Variants in GRAMD2B observed in about 807,000 individuals in gnomAD.
The protein encoded by GRAMD2B is GRAM domain containing 2B.
A neutral mutation model predicts 59.2 loss-of-function variants in GRAMD2B; 41 were observed. The observed-to-expected ratio is 0.69, with a 90% CI of 0.54 to 0.90. The LOEUF (loss-of-function observed/expected upper bound fraction) is 0.90, where lower values mean the gene tolerates loss of function less well. Among genes scored for constraint, GRAMD2B ranks in the 40% least tolerant of loss-of-function variants. GRAMD2B has a pLI of 0.00. For synonymous variants in GRAMD2B, 161 were observed against 182.7 expected, an observed-to-expected ratio of 0.88 and a Z score of 0.96; for missense variants, 424 against 500.5, an observed-to-expected ratio of 0.85 and a Z score of 1.46.
chr5:126,442,695 A>C (rs1355981984), intron 1 of GRAMD2B, among the ~76,000 whole-genome samples: 2 of 152,142 alleles, frequency 1.3e-5, no homozygotes, highest in Non-Finnish European at 2.9e-5. Context: ...TTTCCTTGAA[A>C]TCTGGTCTAG....
intron 1 of GRAMD2B, among the ~76,000 whole-genome samples, chr5:126,362,516 A>T (rs1208418966): frequency 1.3e-5 from 2 of 152,216 alleles, no homozygotes; most frequent in Non-Finnish European, 2.9e-5. Flanking sequence ...CAGGATTATC[A>T]GGAAGAATTA....
At chr5:126,386,972 A>G (rs968555143) in intron 1 of GRAMD2B, among the ~76,000 whole-genome samples, 2 of 152,196 alleles carry the variant, frequency 1.3e-5, no homozygotes, top group African/African-American at 4.8e-5. Flanking sequence ...TATTATCACC[A>G]TATATTCTTT....
chr5:126,374,260 T>A (rs767145336), intron 1 of GRAMD2B, among the ~76,000 whole-genome samples: 1 of 152,224 alleles, frequency 6.6e-6, no homozygotes, highest in Non-Finnish European at 1.5e-5. Flanking sequence ...CCTTTTTCAA[T>A]CTGCAAGGTG....
chr5:126,441,696 T>G (rs1273249791), intron 1 of GRAMD2B, among the ~76,000 whole-genome samples: 1 of 151,542 alleles, frequency 6.6e-6, no homozygotes, highest in Non-Finnish European at 1.5e-5. Flanking sequence ...CTGGTATAAG[T>G]TTTTTTTTGC....
At chr5:126,412,611 A>G (rs1289567180) in intron 1 of GRAMD2B, among the ~76,000 whole-genome samples, 1 of 152,100 alleles carries the variant, frequency 6.6e-6, no homozygotes, top group Non-Finnish European at 1.5e-5. Context: ...TATCAGGGTG[A>G]TGCTGGCTTT....
intron 6 of GRAMD2B, among the ~76,000 whole-genome samples, chr5:126,479,368 A>T (rs1323038186): frequency 6.6e-6 from 1 of 152,118 alleles, no homozygotes; most frequent in Non-Finnish European, 1.5e-5. Context: ...CATACTAGAA[A>T]ACTTGTAGAG....
At chr5:126,386,874 G>T (rs1756188566) in intron 1 of GRAMD2B, among the ~76,000 whole-genome samples, 1 of 152,148 alleles carries the variant, frequency 6.6e-6, no homozygotes, top group Non-Finnish European at 1.5e-5. Flanking sequence ...TACAACATAG[G>T]TGAATTGTCA....
Position 126,424,649 on chromosome 5 carries a change from G to A in GRAMD2B, c.83+960G>A, listed in dbSNP as rs980774038. On this transcript the variant is annotated intron_variant, in intron 1 of 13. Coordinates refer to ENST00000285689, the MANE Select transcript of GRAMD2B (RefSeq NM_023927.4). ...ACATTTCTTCTAAGAGGATTAGAAT[G>A]ACTTGCTCCTCACAATTTCCCTGCG... Among the ~76,000 whole-genome samples, 6 of 152,206 alleles carry A rather than the reference G, an allele frequency of 3.9e-5. No individual in the cohort carries two copies. The South Asian group carries it at 6.2e-4, about 16-fold the overall frequency.
chr5:126,484,956 C>T (rs766311492), intron 10 of GRAMD2B, among the ~76,000 whole-genome samples: 17 of 152,168 alleles, frequency 1.1e-4, no homozygotes, highest in Non-Finnish European at 2.5e-4. Flanking sequence ...TAGGTCTTTG[C>T]ATATTAATTC....
At chr5:126,379,889 T>C (rs1202472768) in intron 1 of GRAMD2B, among the ~76,000 whole-genome samples, 1 of 152,248 alleles carries the variant, frequency 6.6e-6, no homozygotes, top group African/African-American at 2.4e-5. Flanking sequence ...TTTCTTTTGC[T>C]TTTCAGAAGC....
chr5:126,475,563 G>C (rs953365010), intron 5 of GRAMD2B, among the ~76,000 whole-genome samples: 3 of 152,166 alleles, frequency 2.0e-5, no homozygotes, highest in African/African-American at 7.2e-5. Flanking sequence ...AAAATGTCTT[G>C]ATTGGTTTAG....
intron 1 of GRAMD2B, among the ~76,000 whole-genome samples, chr5:126,426,777 C>T (rs1760689489): frequency 6.6e-6 from 1 of 152,240 alleles, no homozygotes; most frequent in African/African-American, 2.4e-5. Context: ...TTTTCTTAAT[C>T]ACATTTCCTA....
intron 13 of GRAMD2B, among the ~76,000 whole-genome samples, chr5:126,489,928 A>C (rs1773612243): frequency 1.3e-5 from 2 of 152,238 alleles, no homozygotes; most frequent in Non-Finnish European, 2.9e-5. Context: ...GTAAAATTTC[A>C]TATTAAATAC....
intron 1 of GRAMD2B, among the ~76,000 whole-genome samples, chr5:126,439,008 T>G (rs923076765): frequency 1.3e-5 from 2 of 152,140 alleles, no homozygotes; most frequent in Non-Finnish European, 2.9e-5. Flanking sequence ...AAAACATTCC[T>G]GTACACAACC....
intron 5 of GRAMD2B, among the ~76,000 whole-genome samples, chr5:126,477,070 A>G (rs746013085): frequency 9.9e-5 from 15 of 152,244 alleles, no homozygotes; most frequent in Non-Finnish European, 2.1e-4. Flanking sequence ...CTGCCAACAT[A>G]TAACTGGCTG....
chr5:126,485,817 A>T, intron 11 of GRAMD2B, 44 bp downstream of exon 11: 1 of 1,199,420 alleles, frequency 8.3e-7, no homozygotes, highest in Non-Finnish European at 1.2e-6. Flanking sequence ...AAATGATTCC[A>T]TTCGCTAAAG....
intron 5 of GRAMD2B, among the ~76,000 whole-genome samples, chr5:126,475,434 C>A (rs1156407749): frequency 6.6e-6 from 1 of 152,170 alleles, no homozygotes; most frequent in Non-Finnish European, 1.5e-5. Flanking sequence ...TTTTAAAAAT[C>A]ATCATCTAAG....
chr5:126,406,228 C>T (rs1373357613), intron 1 of GRAMD2B, among the ~76,000 whole-genome samples: 1 of 151,824 alleles, frequency 6.6e-6, no homozygotes, highest in African/African-American at 2.4e-5. Flanking sequence ...TTTCTTTTTA[C>T]CTTTTAAAAT....
At chr5:126,404,888 T>C (rs1758137412) in intron 1 of GRAMD2B, among the ~76,000 whole-genome samples, 1 of 151,930 alleles carries the variant, frequency 6.6e-6, no homozygotes, top group Non-Finnish European at 1.5e-5. Flanking sequence ...TGAATACTCA[T>C]AGGACACTTT....
Sources: gnomAD v4.1 joint callset for allele counts (sites outside exome capture counted in the v4.1 genomes callset) on GRCh38, gnomAD v4.1.1 for gene constraint, MANE v1.5 for transcripts, NCBI Gene and HGNC (gene_info 2026-07-23, HGNC 2026-07-21) for gene names.